Variants in LINGO2 observed in about 807,000 individuals in gnomAD.
LINGO2 encodes the protein leucine rich repeat and Ig domain containing 2.
LINGO2 carries 14 observed loss-of-function variants against 30.6 expected under a neutral mutation model. That is an observed-to-expected ratio of 0.46 (90% CI 0.30 to 0.72). The LOEUF (loss-of-function observed/expected upper bound fraction) is 0.72, where lower values mean the gene tolerates loss of function less well. Ranked by LOEUF, LINGO2 falls within the 30% of genes least tolerant of loss-of-function variation. The pLI, the probability that LINGO2 is intolerant of heterozygous loss-of-function variation, is 0.07. For missense variants in LINGO2, 729 were observed against 751.7 expected (o/e 0.97, Z 0.35); for synonymous variants, 317 against 288.5 (o/e 1.10, Z -1.00).
chr9:28,891,318 T>A, the LINGO2 span, among the ~76,000 whole-genome samples: 4 of 152,010 alleles, frequency 2.6e-5, no homozygotes, highest in African/African-American at 9.7e-5. Context: ...AAAATGTGGA[T>A]ACTAGTAGTA....
At chr9:28,720,477 C>A in the LINGO2 span, among the ~76,000 whole-genome samples, 1 of 151,994 alleles carries the variant, frequency 6.6e-6, no homozygotes, top group Non-Finnish European at 1.5e-5. Context: ...GATTAAAATT[C>A]ATATTTAGAT....
chr9:28,784,043 G>A, the LINGO2 span, among the ~76,000 whole-genome samples: 8 of 152,174 alleles, frequency 5.3e-5, no homozygotes, highest in South Asian at 1.7e-3. Context: ...CATCTCATTC[G>A]GGTTTATAAT....
At chr9:28,320,452 T>A (rs965673675) in intron 3 of LINGO2, among the ~76,000 whole-genome samples, 1 of 152,138 alleles carries the variant, frequency 6.6e-6, no homozygotes, top group Non-Finnish European at 1.5e-5. Flanking sequence ...TGGTGACAAT[T>A]TCAGTAGTTA....
intron 1 of LINGO2, among the ~76,000 whole-genome samples, chr9:28,518,963 C>A (rs919254870): frequency 2.0e-5 from 3 of 152,142 alleles, no homozygotes; most frequent in Non-Finnish European, 4.4e-5. Context: ...CTGTTGCATC[C>A]TATAAATACT....
intron 4 of LINGO2, among the ~76,000 whole-genome samples, chr9:28,045,611 G>A (rs1486805302): frequency 1.3e-5 from 2 of 152,136 alleles, no homozygotes; most frequent in African/African-American, 4.8e-5. Context: ...GGAGCCTAGA[G>A]GATTTTCTTC....
intron 3 of LINGO2, among the ~76,000 whole-genome samples, chr9:28,362,762 C>A (rs933368416): frequency 5.9e-5 from 9 of 152,102 alleles, no homozygotes; most frequent in African/African-American, 9.7e-5. Flanking sequence ...AGCCACCACG[C>A]CCGACCCAGA....
intron 4 of LINGO2, among the ~76,000 whole-genome samples, chr9:28,206,839 T>G (rs1453261694): frequency 1.3e-5 from 2 of 152,178 alleles, no homozygotes; most frequent in African/African-American, 4.8e-5. Flanking sequence ...ACTGGTTCAA[T>G]GGCTTAATTA....
intron 3 of LINGO2, among the ~76,000 whole-genome samples, chr9:28,357,315 G>GCACCCC (rs1554710531): frequency 1.5e-5 from 1 of 66,058 alleles, no homozygotes; most frequent in Non-Finnish European, 3.5e-5. Flanking sequence ...CAGAAATAAA[G>GCACCCC]CCCACCCCCC....
chr9:28,576,250 C>T (rs1298107449), intron 1 of LINGO2, among the ~76,000 whole-genome samples: 1 of 152,172 alleles, frequency 6.6e-6, no homozygotes. Context: ...TAATGCCGCA[C>T]AGCATCACAA....
chr9:28,883,526 A>G, the LINGO2 span, among the ~76,000 whole-genome samples: 5 of 150,722 alleles, frequency 3.3e-5, no homozygotes, highest in African/African-American at 4.9e-5. Flanking sequence ...AACCATAATA[A>G]GGCAGGTATT....
intron 3 of LINGO2, among the ~76,000 whole-genome samples, chr9:28,355,845 T>C (rs1376562120): frequency 1.3e-5 from 2 of 152,272 alleles, no homozygotes; most frequent in South Asian, 2.1e-4. Flanking sequence ...CACCAGAGGT[T>C]TGATTTATTG....
intron 4 of LINGO2, among the ~76,000 whole-genome samples, chr9:28,098,788 C>A (rs1826324779): frequency 6.6e-6 from 1 of 152,084 alleles, no homozygotes; most frequent in South Asian, 2.1e-4. Context: ...TCAAGTGGAG[C>A]AGGCAAAGCT....
At chr9:29,189,796 G>A in the LINGO2 span, among the ~76,000 whole-genome samples, 1 of 152,052 alleles carries the variant, frequency 6.6e-6, no homozygotes, top group Non-Finnish European at 1.5e-5. Context: ...GATCACTCGC[G>A]GTTAGGAGCT....
the LINGO2 span, chr9:27,942,549 C>T: frequency 6.6e-6 from 1 of 152,020 alleles, no homozygotes; most frequent in Non-Finnish European, 1.5e-5. Context: ...GAGATGCAAA[C>T]CTAAATCAAG....
At chr9:28,868,476 T>C in the LINGO2 span, among the ~76,000 whole-genome samples, 1 of 152,126 alleles carries the variant, frequency 6.6e-6, no homozygotes, top group South Asian at 2.1e-4. Context: ...GCTTCAAGAT[T>C]GATGCCTTTC....
At chr9:29,179,889 A>T in the LINGO2 span, among the ~76,000 whole-genome samples, 3 of 152,234 alleles carry the variant, frequency 2.0e-5, no homozygotes, top group Admixed American at 2.0e-4. Context: ...TCATTGCTAT[A>T]ATAGGAACTT....
At position 28,148,193 on chromosome 9, in the gene LINGO2, A is replaced by T; in HGVS notation, c.-86-135788T>A. 2 of 767,886 alleles carry T rather than the reference A, an allele frequency of 2.6e-6. No homozygotes were observed. Among genetic ancestry groups the T allele is most frequent in the Non-Finnish European group, 3.8e-6 (2 of 519,606 alleles). 47.6% of individuals were successfully genotyped at this position (767,886 alleles called of 1,614,324 possible). ...ACATCTTGGGCCTTCTTTTCCAGTC[A>T]GTTGGGACGGCGCCCCTATGAGGCT... On this transcript the variant is annotated intron_variant, in intron 4 of 5. Coordinates refer to ENST00000379992, the Ensembl canonical transcript of LINGO2. The surrounding 1 kb of genome is among the most constrained non-coding windows in gnomAD (Gnocchi z 5.1).
chr9:28,651,160 G>C (rs963641055), intron 1 of LINGO2, among the ~76,000 whole-genome samples: 1 of 151,110 alleles, frequency 6.6e-6, no homozygotes, highest in Admixed American at 6.6e-5. Flanking sequence ...TCCAGCCTGG[G>C]CGACAGAGCA....
chr9:28,751,718 T>C, the LINGO2 span, among the ~76,000 whole-genome samples: 1 of 152,058 alleles, frequency 6.6e-6, no homozygotes, highest in Non-Finnish European at 1.5e-5. Flanking sequence ...TTTTATTGTA[T>C]ACTAGTTTAT....
Sources: allele counts gnomAD v4.1 joint callset (sites outside exome capture counted in the v4.1 genomes callset), GRCh38; gene constraint gnomAD v4.1.1; non-coding constraint Gnocchi (gnomAD v3.1); transcripts MANE v1.5; gene names NCBI Gene and HGNC (gene_info 2026-07-23, HGNC 2026-07-21).